The following TBKBP1 variants were observed in gnomAD, a reference collection of about 807,000 sequenced individuals.
The protein encoded by TBKBP1 is TANK-binding kinase 1-binding protein 1.
TBKBP1 carries 47 observed loss-of-function variants against 69.9 expected under a neutral mutation model. The ratio of observed to expected loss-of-function variants is 0.67; its 90% CI spans 0.53 to 0.86. The LOEUF (loss-of-function observed/expected upper bound fraction) is 0.86. Among genes scored for constraint, TBKBP1 ranks in the 40% least tolerant of loss-of-function variants. The pLI is 0.00. For missense variants in TBKBP1, 831 were observed against 858.6 expected (o/e 0.97, Z 0.40); for synonymous variants, 418 against 390.3 (o/e 1.07, Z -0.84).
At chr17:47,707,799 T>C (rs2031748337) in intron 7 of TBKBP1, among the ~76,000 whole-genome samples, 1 of 152,168 alleles carries the variant, frequency 6.6e-6, no homozygotes, top group Non-Finnish European at 1.5e-5. Flanking sequence ...GTTTATCAGT[T>C]AGCACCTCCA....
Position 47,711,609 on chromosome 17 carries a change from C to G in TBKBP1, c.*983C>G, listed in dbSNP as rs779240482. The G allele has an allele frequency of 6.5e-6, 1 of 152,752 alleles. No individual in the cohort carries two copies. Among genetic ancestry groups the G allele is most frequent in the Middle Eastern group, 3.1e-3 (1 of 318 alleles). 9.5% of individuals were successfully genotyped at this position (152,752 alleles called of 1,614,324 possible). A position where few individuals can be genotyped will look rare whatever the true frequency, so the allele number is the denominator to read the frequency against. ...TCAAAAGAGCTAACCCCTTCCCACA[C>G]TCCACCCACCCACCTACATTTCCTC... is the stretch of plus-strand genomic sequence containing the variant. On this transcript the variant is annotated 3_prime_UTR_variant, in exon 10 of 10. Transcript: ENST00000578982.
rs1036771740 is a variant in TBKBP1, at chr17:47,696,474, C to T, written c.225+137C>T. 3.2e-5 allele frequency: 37 copies of T among 1,165,662 alleles called. 1 individual carries two copies. The highest frequency in any genetic ancestry group is 7.7e-5 in the African/African-American group (5 of 64,592). 72.2% of individuals were successfully genotyped at this position (1,165,662 alleles called of 1,614,324 possible). ...GAACTTGAGGGTCTCCCATGAGAGA[C>T]GTGGCTGTTCCGGATGCGAACTGTC... On this transcript the variant is annotated intron_variant, in intron 2 of 9. Transcript: ENST00000578982.
chr17:47,707,160 G>A (rs2031729627), intron 7 of TBKBP1, among the ~76,000 whole-genome samples: 1 of 152,354 alleles, frequency 6.6e-6, no homozygotes, highest in South Asian at 2.1e-4. Flanking sequence ...CCTTCAGGGA[G>A]ATTCAAGGCT....
Position 47,696,137 on chromosome 17 carries a change from A to G in TBKBP1, c.25A>G (p.Ile9Val). The change falls in exon 2 of 10, where the codon ATC becomes GTC. Residue 9 changes from isoleucine to valine, a missense_variant. Physicochemically the swap from Ile to Val is conservative, Grantham distance 29. Transcript: ENST00000578982. Reference protein sequence around the residue: MESMFEDDISILTQEALGP... With the variant: MESMFEDDVSILTQEALGP... ...CATGGAGTCCATGTTCGAGGACGAC[A>G]TCAGCATCCTGACGCAGGAGGCCCT... The G allele has an allele frequency of 1.2e-6, 2 of 1,612,724 alleles. No individual in the cohort carries two copies. Among genetic ancestry groups the G allele is most frequent in the Non-Finnish European group, 1.7e-6 (2 of 1,179,568 alleles).
At position 47,697,082 on chromosome 17, in the gene TBKBP1, C is replaced by T. The variant is rs1483531260; in HGVS notation, c.349-7C>T. Reference sequence around the variant, plus strand: ...CCCTGTGGTGGGGCCCTCTGGGCCTCATCCAGTTACAGAAGAACAAGGAGC... The same window carrying T: ...CCCTGTGGTGGGGCCCTCTGGGCCTTATCCAGTTACAGAAGAACAAGGAGC... On this transcript the variant is annotated splice_polypyrimidine_tract_variant and splice_region_variant and intron_variant, in intron 3 of 9. Transcript: ENST00000578982. The T allele has an allele frequency of 1.2e-6, 2 of 1,607,528 alleles. No individual in the cohort carries two copies. The highest frequency in any genetic ancestry group is 4.5e-5 in the East Asian group (2 of 44,640).
At chr17:47,705,258 A>G (rs145376430) in intron 7 of TBKBP1, among the ~76,000 whole-genome samples, 1 of 152,322 alleles carries the variant, frequency 6.6e-6, no homozygotes, top group African/African-American at 2.4e-5. Flanking sequence ...CAGAGCTCCC[A>G]TCCCAGCAAC....
intron 4 of TBKBP1, among the ~76,000 whole-genome samples, chr17:47,698,183 T>C (rs1260745453): frequency 6.6e-6 from 1 of 152,168 alleles, no homozygotes; most frequent in Non-Finnish European, 1.5e-5. Flanking sequence ...TCTTTTCACC[T>C]GGCATACACT....
chr17:47,709,918 G>A (rs1416877425), intron 9 of TBKBP1, among the ~76,000 whole-genome samples: 2 of 152,248 alleles, frequency 1.3e-5, no homozygotes, highest in Admixed American at 1.3e-4. Context: ...TATATTGGCT[G>A]TGGTGATGGT....
chr17:47,704,453 G>T (rs951645483), intron 7 of TBKBP1, among the ~76,000 whole-genome samples: 2 of 152,238 alleles, frequency 1.3e-5, no homozygotes, highest in African/African-American at 2.4e-5. Flanking sequence ...ACTGATGCTG[G>T]GTGTGCCTGT....
intron 7 of TBKBP1, among the ~76,000 whole-genome samples, chr17:47,703,151 C>G (rs527917299): frequency 6.6e-6 from 1 of 152,232 alleles, no homozygotes; most frequent in South Asian, 2.1e-4. Context: ...GCCTTTCTTT[C>G]TTCCCAACGT....
At chr17:47,697,041 T>G (rs1011728597) in intron 3 of TBKBP1, 48 bp from the exon 4 acceptor site, 1 of 1,570,616 alleles carries the variant, frequency 6.4e-7, no homozygotes. Context: ...CAACTCCAAG[T>G]CCAGTGTGGG....
intron 7 of TBKBP1, among the ~76,000 whole-genome samples, chr17:47,703,646 T>C (rs2031598297): frequency 6.6e-6 from 1 of 151,478 alleles, no homozygotes; most frequent in African/African-American, 2.4e-5. Flanking sequence ...CCATCTTCCC[T>C]CCTTAAACCG....
At chr17:47,705,751 C>T (rs1212976747) in intron 7 of TBKBP1, among the ~76,000 whole-genome samples, 1 of 152,242 alleles carries the variant, frequency 6.6e-6, no homozygotes, top group African/African-American at 2.4e-5. Flanking sequence ...CAGGCCTGTG[C>T]ATCTTGAGAT....
chr17:47,699,626 T>C lies in TBKBP1; in HGVS notation c.811-10T>C, dbSNP rs1567905401. 6.2e-7 allele frequency: 1 copy of C among 1,613,854 alleles called. No homozygotes were observed. Among genetic ancestry groups the C allele is most frequent in the African/African-American group, 1.3e-5 (1 of 74,910 alleles). Reference sequence around the variant, plus strand: ...AGCTTGGGCTCTGACCTCTTCATCTTCTTCCTTAGGATCTGGCCTCCAACC... The same window carrying C: ...AGCTTGGGCTCTGACCTCTTCATCTCCTTCCTTAGGATCTGGCCTCCAACC... On this transcript the variant is annotated splice_polypyrimidine_tract_variant and intron_variant, in intron 6 of 9. Transcript: ENST00000578982.
At position 47,711,489 on chromosome 17, in the gene TBKBP1, T is replaced by G. The variant is rs2031921146; in HGVS notation, c.*863T>G. ...CACCACAGGTGCCCTGGAGCCCTTG[T>G]GTGACTCAGCCTCTGTTAGCTGGGT... On this transcript the variant is annotated 3_prime_UTR_variant, in exon 10 of 10. Coordinates refer to ENST00000578982, the MANE Select transcript of TBKBP1 (RefSeq NM_001394755.1). The G allele has an allele frequency of 6.6e-6, 1 of 152,650 alleles. No individual in the cohort carries two copies. Among genetic ancestry groups the G allele is most frequent in the Non-Finnish European group, 1.5e-5 (1 of 68,116 alleles). The allele number at this position is 152,650 out of a possible 1,614,324, so 9.5% of individuals were successfully genotyped here.
rs371809221 is a variant in TBKBP1, at chr17:47,695,771, C to T, written c.-34-308C>T. 201 of 244,294 alleles carry T rather than the reference C, an allele frequency of 8.2e-4. 2 individuals are homozygous for T. Among genetic ancestry groups the T allele is most frequent in the Middle Eastern group, 6.5e-3 (5 of 774 alleles). 15.1% of individuals were successfully genotyped at this position (244,294 alleles called of 1,614,324 possible). A position where few individuals can be genotyped will look rare whatever the true frequency, so the allele number is the denominator to read the frequency against. ...GGCCCGGCTGGGAAGGCAGCCCTCT[C>T]CCATCCACAGGTCTCCCTGGGTTCT... On this transcript the variant is annotated intron_variant, in intron 1 of 9. Coordinates refer to ENST00000578982, the MANE Select transcript of TBKBP1 (RefSeq NM_001394755.1).
At chr17:47,706,038 T>C (rs936983209) in intron 7 of TBKBP1, among the ~76,000 whole-genome samples, 4 of 151,958 alleles carry the variant, frequency 2.6e-5, no homozygotes, top group African/African-American at 9.7e-5. Flanking sequence ...GGGTAGCTCC[T>C]GACAAGGGGA....
At chr17:47,702,245 T>C (rs1449250140) in intron 7 of TBKBP1, among the ~76,000 whole-genome samples, 1 of 152,118 alleles carries the variant, frequency 6.6e-6, no homozygotes, top group Non-Finnish European at 1.5e-5. Context: ...CTTTCCAGGC[T>C]GGTGGGAATT....
rs766730229 is a variant in TBKBP1 at position 47,708,561 on chromosome 17, G to T, written c.991+49G>T. On this transcript the variant is annotated intron_variant, in intron 8 of 9. Coordinates refer to ENST00000578982, the MANE Select transcript of TBKBP1 (RefSeq NM_001394755.1). This position sits in a 1 kb window ranked among gnomAD's most constrained non-coding sequence, Gnocchi z 4.4. ...AGGCAGCCGCGGGACCCGGGAAGGA[G>T]CGGGTAGCCATGGCAACCATCTTGG... 38 of 1,594,838 alleles carry T rather than the reference G, an allele frequency of 2.4e-5. No homozygotes were observed. The East Asian group carries it at 8.5e-4, about 36-fold the overall frequency.
Sources: gnomAD v4.1 joint callset for allele counts (sites outside exome capture counted in the v4.1 genomes callset) on GRCh38, gnomAD v4.1.1 for gene constraint, Gnocchi (gnomAD v3.1) non-coding constraint, MANE v1.5 for transcripts, NCBI Gene and HGNC (gene_info 2026-07-23, HGNC 2026-07-21) for gene names.